FADS2: variants seen among roughly 807,000 people sequenced by gnomAD.
FADS2 encodes fatty acid desaturase 2, also known as acyl-CoA 6-desaturase.
In FADS2, 18 loss-of-function variants were observed where a neutral mutation model predicts 61.2. The observed-to-expected ratio is 0.29, with a 90% CI of 0.20 to 0.44. FADS2 has a LOEUF of 0.44. FADS2 is among the 20% of genes least tolerant of loss of function. The pLI is 1.00. For missense variants in FADS2, 322 were observed against 572.7 expected, an observed-to-expected ratio of 0.56 and a Z score of 4.47; for synonymous variants, 203 against 223.9, an observed-to-expected ratio of 0.91 and a Z score of 0.83.
intron 10 of FADS2, among the ~76,000 whole-genome samples, chr11:61,864,643 C>T (rs538132596): frequency 5.3e-5 from 8 of 152,326 alleles, no homozygotes; most frequent in Non-Finnish European, 1.2e-4. Flanking sequence ...GATCCACCTG[C>T]GTTGGCCTCC....
chr11:61,835,853 C>T (rs997794461), intron 1 of FADS2, among the ~76,000 whole-genome samples: 3 of 152,244 alleles, frequency 2.0e-5, no homozygotes, highest in African/African-American at 4.8e-5. Flanking sequence ...AAATAAGCTG[C>T]GTCATTGTGT....
In FADS2 at chr11:61,828,769, C is replaced by T; in HGVS notation, c.207+172C>T. 1 of 604,864 alleles carries T rather than the reference C, an allele frequency of 1.7e-6. No homozygotes were observed. Among genetic ancestry groups the T allele is most frequent in the South Asian group, 2.1e-5 (1 of 48,502 alleles). 37.5% of individuals were successfully genotyped at this position (604,864 alleles called of 1,614,324 possible). ...CCCCCTCCCCAATCCTCCTCCTCCT[C>T]TGGGCCGACTGGGGTGGAGACCGGA... On this transcript the variant is annotated intron_variant, in intron 1 of 11. Coordinates refer to ENST00000278840, the MANE Select transcript of FADS2 (RefSeq NM_004265.4). The surrounding 1 kb of genome is among the most constrained non-coding windows in gnomAD (Gnocchi z 6.4).
upstream of FADS2, among the ~76,000 whole-genome samples, chr11:61,824,490 GAAAGAAAGAAAGGAAAGAA>G (rs1467785601): frequency 5.3e-3 from 49 of 9,270 alleles, no homozygotes; most frequent in Admixed American, 9.3e-3. Flanking sequence ...GAGAGAGAGA[GAAAGAAAGAAAGGAAAGAA>G]AGAAAGAAAG....
chr11:61,853,217 ACT>A (rs541853680), intron 5 of FADS2, among the ~76,000 whole-genome samples: 4 of 150,748 alleles, frequency 2.7e-5, no homozygotes, highest in African/African-American at 9.8e-5. Context: ...AAGTGTAGTC[ACT>A]CTTTCTTTCT....
chr11:61,867,105 G>A lies in FADS2; in HGVS notation c.*1416G>A, dbSNP rs1459673953. ...CACTAATCAGTTCTTAGATTCAGGG[G>A]AAGGGCAGGCACCAACAACTCAGAA... On this transcript the variant is annotated 3_prime_UTR_variant, in exon 12 of 12. Transcript: ENST00000278840. 3 of 152,262 alleles carry A rather than the reference G, an allele frequency of 2.0e-5. No individual in the cohort carries two copies. The highest frequency in any genetic ancestry group is 2.0e-4 in the Admixed American group (3 of 15,280). The allele number at this position is 152,262 out of a possible 1,614,324, so 9.4% of individuals were successfully genotyped here. A position where few individuals can be genotyped will look rare whatever the true frequency, so the allele number is the denominator to read the frequency against.
At chr11:61,825,943 C>T (rs1036685566), upstream of FADS2, 1 of 632,894 alleles carries the variant, frequency 1.6e-6, no homozygotes, top group Non-Finnish European at 2.9e-6. Flanking sequence ...AGTGTGGGGT[C>T]AGCCCCCTAA....
At chr11:61,841,524 C>A in intron 4 of FADS2, among the ~76,000 whole-genome samples, 1 of 144,482 alleles carries the variant, frequency 6.9e-6, no homozygotes, top group South Asian at 2.3e-4. Flanking sequence ...CATAGTGAGA[C>A]CCCCCCCCAT....
chr11:61,836,423 ACT>A (rs2135958743), intron 1 of FADS2, among the ~76,000 whole-genome samples: 1 of 145,862 alleles, frequency 6.9e-6, no homozygotes, highest in Non-Finnish European at 1.5e-5. Flanking sequence ...ACAGGGTCTC[ACT>A]CTCTTGCCCA....
At chr11:61,851,365 G>A (rs757966258) in intron 5 of FADS2, among the ~76,000 whole-genome samples, 37 of 152,292 alleles carry the variant, frequency 2.4e-4, no homozygotes, top group Non-Finnish European at 1.3e-4. Context: ...CTTCTGGAAC[G>A]CTGGCTTTGG....
intron 4 of FADS2, among the ~76,000 whole-genome samples, chr11:61,843,197 A>C (rs1445670695): frequency 1.3e-5 from 2 of 152,220 alleles, no homozygotes; most frequent in Non-Finnish European, 2.9e-5. Context: ...TGGGAGGTCA[A>C]GGCAGGAGGA....
chr11:61,845,493 AAAG>A (rs2067249791), intron 4 of FADS2, among the ~76,000 whole-genome samples: 2 of 152,124 alleles, frequency 1.3e-5, no homozygotes, highest in South Asian at 2.1e-4. Flanking sequence ...TTCACCTGGC[AAAG>A]AAGAATGGAA....
chr11:61,851,307 G>A (rs966755132), intron 5 of FADS2, among the ~76,000 whole-genome samples: 1 of 152,196 alleles, frequency 6.6e-6, no homozygotes, highest in Admixed American at 6.5e-5. Flanking sequence ...TCTTGTGCGT[G>A]GTGGCCAGAG....
chr11:61,817,671 T>A (rs925074006), intron 1 of FADS2, among the ~76,000 whole-genome samples: 1 of 152,208 alleles, frequency 6.6e-6, no homozygotes, highest in African/African-American at 2.4e-5. Flanking sequence ...TGGAGGCGCC[T>A]AGGAGCCCTG....
chr11:61,826,557 G>A (rs2067088054), upstream of FADS2: 17 of 601,814 alleles, frequency 2.8e-5, no homozygotes, highest in South Asian at 2.4e-4. Flanking sequence ...TTCCGTCAAC[G>A]TTTGACAGTC....
chr11:61,861,772 G>T (rs1286981597), intron 7 of FADS2, among the ~76,000 whole-genome samples: 1 of 152,198 alleles, frequency 6.6e-6, no homozygotes, highest in Non-Finnish European at 1.5e-5. Context: ...GACCAGCCTA[G>T]ATTCCCCACA....
At position 61,865,986 on chromosome 11, in the gene FADS2, C is replaced by A; in HGVS notation, c.*297C>A. The A allele has an allele frequency of 2.0e-6, 1 of 492,860 alleles. No individual in the cohort carries two copies. Among genetic ancestry groups the A allele is most frequent in the Non-Finnish European group, 3.6e-6 (1 of 276,866 alleles). 30.5% of individuals were successfully genotyped at this position (492,860 alleles called of 1,614,324 possible). A position where few individuals can be genotyped will look rare whatever the true frequency, so the allele number is the denominator to read the frequency against. ...GGTGGCCACCGGGGGTGGCTCTGTCCTACCTCCACTCTCTGCCCCTAAAGA... is the reference window on the plus strand; with the variant it reads ...GGTGGCCACCGGGGGTGGCTCTGTCATACCTCCACTCTCTGCCCCTAAAGA... On this transcript the variant is annotated 3_prime_UTR_variant, in exon 12 of 12. Coordinates refer to ENST00000278840, the MANE Select transcript of FADS2 (RefSeq NM_004265.4). The surrounding 1 kb of genome is among the most constrained non-coding windows in gnomAD (Gnocchi z 4.1).
chr11:61,824,502 G>GAAAGAAAGAAAGAAAGAAAGAAAGAAA (rs140558358), upstream of FADS2, among the ~76,000 whole-genome samples: 29 of 21,690 alleles, frequency 1.3e-3, 1 homozygote, highest in Non-Finnish European at 1.5e-3. Flanking sequence ...AAGAAAGAAA[G>GAAAGAAAGAAAGAAAGAAAGAAAGAAA]GAAAGAAAGA....
chr11:61,850,547 C>T (rs1184397128), intron 5 of FADS2, among the ~76,000 whole-genome samples: 1 of 152,168 alleles, frequency 6.6e-6, no homozygotes, highest in African/African-American at 2.4e-5. Flanking sequence ...CCGCGCCTGG[C>T]CCATAATTTC....
rs2067185006 is a variant in FADS2 at position 61,837,658 on chromosome 11, A to G, written c.208-120A>G. 3 of 690,448 alleles carry G rather than the reference A, an allele frequency of 4.3e-6. No homozygotes were observed. In the Admixed American group the frequency reaches 6.7e-5, roughly 15 times the overall value. 42.8% of individuals were successfully genotyped at this position (690,448 alleles called of 1,614,324 possible). A position where few individuals can be genotyped will look rare whatever the true frequency, so the allele number is the denominator to read the frequency against. On this transcript the variant is annotated intron_variant, in intron 1 of 11. Transcript: ENST00000278840. Reference sequence around the variant, plus strand: ...ACGGCATTTGGGGCCAGATCACAGGAGACCCCGTTTGGTGTCTGGGTGCAC... The same window carrying G: ...ACGGCATTTGGGGCCAGATCACAGGGGACCCCGTTTGGTGTCTGGGTGCAC...
Sources: gnomAD v4.1 joint callset for allele counts (sites outside exome capture counted in the v4.1 genomes callset) on GRCh38, gnomAD v4.1.1 for gene constraint, Gnocchi (gnomAD v3.1) non-coding constraint, MANE v1.5 for transcripts, NCBI Gene and HGNC (gene_info 2026-07-23, HGNC 2026-07-21) for gene names.